The following FOLH1 variants were observed in gnomAD, a reference collection of about 807,000 sequenced individuals.
FOLH1 encodes glutamate carboxypeptidase 2.
A neutral mutation model predicts 93.9 loss-of-function variants in FOLH1; 54 were observed. The observed-to-expected ratio is 0.57, with a 90% CI of 0.46 to 0.72. The LOEUF is 0.72. FOLH1 is among the 30% of genes least tolerant of loss of function. The pLI, the probability that FOLH1 is intolerant of heterozygous loss-of-function variation, is 0.00. For synonymous variants in FOLH1, 249 were observed against 303.6 expected, an observed-to-expected ratio of 0.82 and a Z score of 1.87; for missense variants, 571 against 892.5, an observed-to-expected ratio of 0.64 and a Z score of 4.59.
At chr11:49,150,222 T>C (rs572293356) in intron 17 of FOLH1, among the ~76,000 whole-genome samples, 1 of 152,338 alleles carries the variant, frequency 6.6e-6, no homozygotes, top group East Asian at 1.9e-4. Flanking sequence ...CAAATCACTG[T>C]TGTTCAAATG....
At chr11:49,158,102 A>T (rs1050252280) in intron 13 of FOLH1, 59 bp from the exon 14 acceptor site, 28 of 1,479,470 alleles carry the variant, frequency 1.9e-5, no homozygotes, top group Non-Finnish European at 2.3e-5. Flanking sequence ...TAAAAACTAG[A>T]TGTCCATTAA....
chr11:49,187,015 G>A (rs899851257), intron 4 of FOLH1, among the ~76,000 whole-genome samples: 2 of 151,610 alleles, frequency 1.3e-5, no homozygotes, highest in African/African-American at 2.4e-5. Flanking sequence ...TAGTGGCTAC[G>A]AAGCTGAAGC....
chr11:49,167,506 A>C (rs1157459592), intron 12 of FOLH1, among the ~76,000 whole-genome samples: 1 of 152,212 alleles, frequency 6.6e-6, no homozygotes, highest in Non-Finnish European at 1.5e-5. Flanking sequence ...AGTGTAGCTC[A>C]GAGGCATTGA....
chr11:49,174,520 A>T (rs1859756369), intron 9 of FOLH1, among the ~76,000 whole-genome samples: 1 of 152,168 alleles, frequency 6.6e-6, no homozygotes, highest in Non-Finnish European at 1.5e-5. Context: ...GTGATATTTT[A>T]TATAGATGTT....
At chr11:49,170,650 A>G (rs1859147215) in intron 11 of FOLH1, among the ~76,000 whole-genome samples, 1 of 152,214 alleles carries the variant, frequency 6.6e-6, no homozygotes, top group East Asian at 1.9e-4. Flanking sequence ...AGCGTAATAG[A>G]ATCATGATAG....
At chr11:49,167,430 T>C (rs1422643898) in intron 12 of FOLH1, among the ~76,000 whole-genome samples, 1 of 152,172 alleles carries the variant, frequency 6.6e-6, no homozygotes, top group Non-Finnish European at 1.5e-5. Context: ...GTCAAGCTCT[T>C]AGCCACTACC....
chr11:49,156,828 G>T (rs1034246661), intron 14 of FOLH1, 21 bp from the exon 15 acceptor site: 6 of 1,609,046 alleles, frequency 3.7e-6, no homozygotes, highest in Admixed American at 1.7e-5. Flanking sequence ...TAAAACAACA[G>T]AATTATTTCA....
Position 49,185,654 on chromosome 11 carries a change from G to A in FOLH1, c.826+15C>T, listed in dbSNP as rs765356092. The A allele has an allele frequency of 1.2e-6, 2 of 1,613,378 alleles. No individual in the cohort carries two copies. The highest frequency in any genetic ancestry group is 1.7e-5 in the Admixed American group (1 of 59,928). ...ATGTTAAGTTTCCTATGATATTCAA[G>A]GATTGATCATTCACCATTTGCTGGG... On this transcript the variant is annotated intron_variant, in intron 6 of 18. Transcript: ENST00000256999.
intron 6 of FOLH1, among the ~76,000 whole-genome samples, chr11:49,185,361 T>C (rs1047519909): frequency 1.5e-4 from 23 of 152,180 alleles, no homozygotes; most frequent in African/African-American, 5.3e-4. Flanking sequence ...AAAATATTTA[T>C]ATACTTTTTC....
At chr11:49,187,624 T>C (rs1354074447) in intron 4 of FOLH1, among the ~76,000 whole-genome samples, 6 of 152,126 alleles carry the variant, frequency 3.9e-5, no homozygotes, top group Non-Finnish European at 5.9e-5. Context: ...CTTGAACTTG[T>C]ATATTGTCCA....
chr11:49,174,674 C>T (rs1446327736), intron 9 of FOLH1, among the ~76,000 whole-genome samples: 1 of 152,072 alleles, frequency 6.6e-6, no homozygotes, highest in African/African-American at 2.4e-5. Flanking sequence ...TGGTCATCTG[C>T]CCAGCCTAGC....
intron 3 of FOLH1, among the ~76,000 whole-genome samples, chr11:49,194,449 G>C (rs1228825092): frequency 6.6e-6 from 1 of 151,946 alleles, no homozygotes; most frequent in East Asian, 1.9e-4. Flanking sequence ...TATTTATCAA[G>C]TTTATGAAAC....
intron 7 of FOLH1, among the ~76,000 whole-genome samples, chr11:49,180,971 ACAAT>A (rs1462952518): frequency 1.3e-5 from 2 of 152,228 alleles, no homozygotes; most frequent in African/African-American, 4.8e-5. Flanking sequence ...ATTCCATTAC[ACAAT>A]CAGAGCACAG....
intron 17 of FOLH1, among the ~76,000 whole-genome samples, 166 bp from the exon 18 acceptor site, chr11:49,148,897 G>A (rs1431491837): frequency 6.6e-6 from 1 of 152,188 alleles, no homozygotes; most frequent in African/African-American, 2.4e-5. Flanking sequence ...GAGGACACAT[G>A]TATGTGAAAA....
chr11:49,180,722 T>C (rs1205883397), intron 7 of FOLH1, among the ~76,000 whole-genome samples: 1 of 152,164 alleles, frequency 6.6e-6, no homozygotes, highest in African/African-American at 2.4e-5. Context: ...AAACAAACCA[T>C]ATGTTCTTTT....
chr11:49,185,215 T>C (rs1204693541), intron 6 of FOLH1, among the ~76,000 whole-genome samples: 2 of 152,194 alleles, frequency 1.3e-5, no homozygotes, highest in Admixed American at 6.5e-5. Context: ...GGGGAATTTA[T>C]TTAACAGCAA....
chr11:49,195,073 C>G (rs1590665957), intron 3 of FOLH1, among the ~76,000 whole-genome samples: 1 of 152,012 alleles, frequency 6.6e-6, no homozygotes, highest in African/African-American at 2.4e-5. Flanking sequence ...AACTAATGTA[C>G]AAATACAAAA....
chr11:49,157,686 A>G (rs1005740613), intron 14 of FOLH1, among the ~76,000 whole-genome samples: 2 of 152,058 alleles, frequency 1.3e-5, no homozygotes, highest in African/African-American at 4.8e-5. Flanking sequence ...ATTTCATATA[A>G]GAAATGACCA....
intron 12 of FOLH1, among the ~76,000 whole-genome samples, chr11:49,167,259 G>A (rs543524418): frequency 6.6e-6 from 1 of 152,230 alleles, no homozygotes; most frequent in East Asian, 1.9e-4. Context: ...TGGGAGATTT[G>A]CAAATGTAAC....
Sources: gnomAD v4.1 joint callset for allele counts (sites outside exome capture counted in the v4.1 genomes callset) on GRCh38, gnomAD v4.1.1 for gene constraint, MANE v1.5 for transcripts, NCBI Gene and HGNC (gene_info 2026-07-23, HGNC 2026-07-21) for gene names.